Variants in DCAF12 observed in about 807,000 individuals in gnomAD.
DCAF12 encodes the protein DDB1 and CUL4 associated factor 12, also known as DDB1- and CUL4-associated factor 12.
A neutral mutation model predicts 52.8 loss-of-function variants in DCAF12; 28 were observed. That is an observed-to-expected ratio of 0.53 (90% CI 0.39 to 0.73). DCAF12 has a LOEUF of 0.73. Ranked by LOEUF, DCAF12 falls within the 30% of genes least tolerant of loss-of-function variation. The pLI is 0.00. For synonymous variants in DCAF12, 196 were observed against 215.5 expected, an observed-to-expected ratio of 0.91 and a Z score of 0.79; for missense variants, 425 against 552.2, an observed-to-expected ratio of 0.77 and a Z score of 2.31.
intron 2 of DCAF12, among the ~76,000 whole-genome samples, chr9:34,113,865 T>C (rs1347805813): frequency 6.6e-6 from 1 of 151,660 alleles, no homozygotes; most frequent in Non-Finnish European, 1.5e-5. Context: ...TCCCAGCACT[T>C]TGGGAGGCCA....
At chr9:34,092,664 A>G (rs1587730655) in intron 7 of DCAF12, among the ~76,000 whole-genome samples, 2 of 151,602 alleles carry the variant, frequency 1.3e-5, no homozygotes, top group African/African-American at 4.8e-5. Context: ...CCAGCCTGGC[A>G]AAAGAGCGAG....
At chr9:34,117,308 G>A (rs1299626894) in intron 2 of DCAF12, among the ~76,000 whole-genome samples, 8 of 142,750 alleles carry the variant, frequency 5.6e-5, no homozygotes, top group African/African-American at 1.6e-4. Flanking sequence ...CCACCACCAC[G>A]CCCGGCTAAT....
intron 2 of DCAF12, among the ~76,000 whole-genome samples, chr9:34,112,636 C>G (rs777266832): frequency 1.3e-5 from 2 of 151,910 alleles, no homozygotes; most frequent in Non-Finnish European, 2.9e-5. Flanking sequence ...TGGTGGCTCA[C>G]ACCTGTAATC....
At chr9:34,125,788 C>T (rs1829240677) in intron 1 of DCAF12, 2 of 274,766 alleles carry the variant, frequency 7.3e-6, no homozygotes, top group South Asian at 6.8e-5. Context: ...GAAAAATCAA[C>T]CGCCAACGGG....
At chr9:34,096,689 A>G in intron 6 of DCAF12, 27 bp downstream of exon 6, 2 of 1,603,662 alleles carry the variant, frequency 1.2e-6, no homozygotes, top group Non-Finnish European at 1.7e-6. Context: ...ATTATTAGGT[A>G]AAACCACAAA....
intron 8 of DCAF12, among the ~76,000 whole-genome samples, chr9:34,089,047 T>C (rs910877088): frequency 1.4e-4 from 20 of 145,240 alleles, no homozygotes; most frequent in African/African-American, 4.1e-4. Context: ...AGTTCAAGGC[T>C]ACATACAGTA....
intron 1 of DCAF12, among the ~76,000 whole-genome samples, chr9:34,125,967 T>C (rs1351343909): frequency 6.6e-6 from 1 of 152,138 alleles, no homozygotes; most frequent in Admixed American, 6.6e-5. Context: ...TACTTCCTTC[T>C]TCCAGGAGGG....
intron 4 of DCAF12, among the ~76,000 whole-genome samples, chr9:34,105,222 C>T (rs1177204247): frequency 6.6e-6 from 1 of 150,612 alleles, no homozygotes; most frequent in African/African-American, 2.4e-5. Flanking sequence ...TACTGCACTC[C>T]AGCCTGGAAG....
chr9:34,095,673 G>C (rs753429524), intron 6 of DCAF12, among the ~76,000 whole-genome samples: 1 of 152,020 alleles, frequency 6.6e-6, no homozygotes, highest in Non-Finnish European at 1.5e-5. Context: ...ACAGGCCTAA[G>C]GTATTGTGCC....
intron 6 of DCAF12, 58 bp downstream of exon 6, chr9:34,096,658 A>T: frequency 7.0e-7 from 1 of 1,427,192 alleles, no homozygotes; most frequent in Non-Finnish European, 9.8e-7. Context: ...CTAGAATTAC[A>T]GTATTTTAAC....
At chr9:34,102,494 C>G (rs1828844798) in intron 4 of DCAF12, among the ~76,000 whole-genome samples, 1 of 151,932 alleles carries the variant, frequency 6.6e-6, no homozygotes, top group Non-Finnish European at 1.5e-5. Context: ...AACCCTGTCT[C>G]TACTAAAAAT....
At position 34,098,433 on chromosome 9, in the gene DCAF12, AC is replaced by A; in HGVS notation, c.685del (p.Val229SerfsTer12). On this transcript the variant is annotated frameshift_variant, in exon 5 of 9. Transcript: ENST00000361264. LOFTEE classifies it high-confidence loss of function. ...KSDARHNVSR[V>X]PVYAHITHKA... is the part of the protein sequence containing the mutation. ...GTGAGTGATGTGTGCATACACAGGG[AC>A]CCGTGACACATTGTGTCTCGCATCA... 6.2e-7 allele frequency: 1 copy of A among 1,614,166 alleles called. No homozygotes were observed. The highest frequency in any genetic ancestry group is 8.5e-7 in the Non-Finnish European group (1 of 1,180,036).
intron 6 of DCAF12, chr9:34,096,118 G>A (rs1289408940): frequency 6.6e-6 from 1 of 152,278 alleles, no homozygotes; most frequent in African/African-American, 2.4e-5. Context: ...CACTTCGGGA[G>A]ACCAAGGTGG....
intron 2 of DCAF12, 41 bp downstream of exon 2, chr9:34,124,982 C>A: frequency 6.2e-7 from 1 of 1,604,848 alleles, no homozygotes; most frequent in Non-Finnish European, 8.5e-7. Context: ...AGCAATATAT[C>A]CACGACCTAG....
intron 8 of DCAF12, among the ~76,000 whole-genome samples, 167 bp downstream of exon 8, chr9:34,089,245 C>T (rs112632354): frequency 1.7e-4 from 26 of 152,214 alleles, no homozygotes; most frequent in African/African-American, 5.8e-4. Context: ...CCACAGGCAA[C>T]GTGCAGACAT....
At chr9:34,114,431 G>A (rs1198316377) in intron 2 of DCAF12, among the ~76,000 whole-genome samples, 2 of 152,064 alleles carry the variant, frequency 1.3e-5, no homozygotes, top group East Asian at 3.9e-4. Context: ...AACTAAGAGT[G>A]TGCCCCCAAC....
Position 34,087,590 on chromosome 9 carries a change from C to T in DCAF12, c.*760G>A, listed in dbSNP as rs1283562255. 3.9e-5 allele frequency: 6 copies of T among 152,182 alleles called. No homozygotes were observed. Among genetic ancestry groups the T allele is most frequent in the Non-Finnish European group, 7.3e-5 (5 of 68,054 alleles). 9.4% of individuals were successfully genotyped at this position (152,182 alleles called of 1,614,324 possible). A position where few individuals can be genotyped will look rare whatever the true frequency, so the allele number is the denominator to read the frequency against. ...TGGGAAGGGGAAGTGACACCAACTT[C>T]CCACACGGGGGACACACAGGTGGGA... On this transcript the variant is annotated 3_prime_UTR_variant, in exon 9 of 9. Transcript: ENST00000361264.
At chr9:34,105,453 A>C (rs1828890136) in intron 4 of DCAF12, among the ~76,000 whole-genome samples, 1 of 152,022 alleles carries the variant, frequency 6.6e-6, no homozygotes, top group South Asian at 2.1e-4. Context: ...GGTACTAAAA[A>C]AAGACTAGCA....
chr9:34,096,619 G>A (rs1338278760), intron 6 of DCAF12, 97 bp downstream of exon 6: 9 of 1,151,754 alleles, frequency 7.8e-6, no homozygotes, highest in Non-Finnish European at 1.0e-5. Flanking sequence ...TAAATGAATA[G>A]ATAAAATAAA....
Sources: gnomAD v4.1 joint callset for allele counts (sites outside exome capture counted in the v4.1 genomes callset) on GRCh38, gnomAD v4.1.1 for gene constraint, MANE v1.5 for transcripts, NCBI Gene and HGNC (gene_info 2026-07-23, HGNC 2026-07-21) for gene names.